CACNA2D3: variants seen among roughly 807,000 people sequenced by gnomAD.
CACNA2D3 encodes the protein calcium voltage-gated channel auxiliary subunit alpha2delta 3.
Under a neutral mutation model 160.6 loss-of-function variants are expected in CACNA2D3, and 60 were observed. The observed-to-expected ratio is 0.37, with a 90% CI of 0.30 to 0.46. The LOEUF (loss-of-function observed/expected upper bound fraction) is 0.46. Among genes scored for constraint, CACNA2D3 ranks in the 20% least tolerant of loss-of-function variants. The probability of loss-of-function intolerance (pLI) is 1.00; values close to 1 mark genes in which losing one functional copy is unlikely to be tolerated. For synonymous variants in CACNA2D3, 558 were observed against 492.9 expected (o/e 1.13, Z -1.75); for missense variants, 1,205 against 1,365.0 (o/e 0.88, Z 1.85).
At chr3:54,144,203 C>A (rs1699983998) in intron 2 of CACNA2D3, among the ~76,000 whole-genome samples, 1 of 152,226 alleles carries the variant, frequency 6.6e-6, no homozygotes, top group Non-Finnish European at 1.5e-5. Context: ...TATTACTCAT[C>A]ATTTTCCGAA....
At chr3:55,037,684 A>G (rs1039868191) in intron 35 of CACNA2D3, among the ~76,000 whole-genome samples, 1 of 152,174 alleles carries the variant, frequency 6.6e-6, no homozygotes, top group Non-Finnish European at 1.5e-5. Flanking sequence ...ATCATGACAT[A>G]CATCTTCCAT....
intron 5 of CACNA2D3, among the ~76,000 whole-genome samples, chr3:54,512,206 C>T (rs938452703): frequency 2.0e-5 from 3 of 152,038 alleles, no homozygotes; most frequent in Non-Finnish European, 2.9e-5. Flanking sequence ...CCATCGGGCT[C>T]GCACAGGGTG....
chr3:54,294,582 T>A (rs1031110074), intron 2 of CACNA2D3, among the ~76,000 whole-genome samples: 1 of 152,146 alleles, frequency 6.6e-6, no homozygotes, highest in African/African-American at 2.4e-5. Flanking sequence ...TGTGTGGACT[T>A]GTTCCCCACG....
At chr3:54,593,247 C>G (rs1431191884) in intron 9 of CACNA2D3, among the ~76,000 whole-genome samples, 1 of 152,004 alleles carries the variant, frequency 6.6e-6, no homozygotes, top group Non-Finnish European at 1.5e-5. Context: ...TAATTTGGCT[C>G]TAAATTACAA....
chr3:54,255,397 C>T (rs543922658), intron 2 of CACNA2D3, among the ~76,000 whole-genome samples: 3 of 152,268 alleles, frequency 2.0e-5, no homozygotes, highest in African/African-American at 4.8e-5. Context: ...GAATGAAATG[C>T]GGCATAAAGA....
chr3:54,472,365 T>G (rs966570497), intron 4 of CACNA2D3, among the ~76,000 whole-genome samples: 2 of 152,122 alleles, frequency 1.3e-5, no homozygotes, highest in African/African-American at 4.8e-5. Context: ...GCTAAAAACT[T>G]TCAATAAACT....
intron 11 of CACNA2D3, among the ~76,000 whole-genome samples, chr3:54,693,215 T>C (rs1700600326): frequency 6.6e-6 from 1 of 152,260 alleles, no homozygotes; most frequent in South Asian, 2.1e-4. Flanking sequence ...AAGGTCATTA[T>C]AGGAATAAAG....
At chr3:54,884,649 T>C (rs1257719398) in intron 21 of CACNA2D3, among the ~76,000 whole-genome samples, 1 of 152,220 alleles carries the variant, frequency 6.6e-6, no homozygotes, top group Admixed American at 6.5e-5. Context: ...TGGAACCTTC[T>C]ATTAAAACTC....
chr3:54,477,471 C>A (rs13066343), intron 4 of CACNA2D3, among the ~76,000 whole-genome samples: 14 of 151,982 alleles, frequency 9.2e-5, no homozygotes, highest in Admixed American at 2.6e-4. Flanking sequence ...TTGTGTTTCC[C>A]CAAGAACAGC....
At chr3:54,532,377 G>A (rs1701819253) in intron 5 of CACNA2D3, among the ~76,000 whole-genome samples, 1 of 152,180 alleles carries the variant, frequency 6.6e-6, no homozygotes, top group Non-Finnish European at 1.5e-5. Context: ...GATACATTGA[G>A]TAGTGGTGAA....
intron 2 of CACNA2D3, among the ~76,000 whole-genome samples, chr3:54,157,835 C>CAAA (rs5849032): frequency 1.5e-5 from 2 of 134,384 alleles, no homozygotes; most frequent in South Asian, 2.3e-4. Context: ...CCCAACCAAA[C>CAAA]AAAAAAAAAA....
intron 13 of CACNA2D3, 103 bp from the exon 14 acceptor site, chr3:54,816,750 G>A: frequency 7.4e-7 from 1 of 1,342,444 alleles, no homozygotes; most frequent in South Asian, 1.3e-5. Flanking sequence ...CCCCATTTTG[G>A]TTTCTCCATT....
chr3:54,290,089 A>C (rs1703148633), intron 2 of CACNA2D3, among the ~76,000 whole-genome samples: 1 of 151,868 alleles, frequency 6.6e-6, no homozygotes, highest in Admixed American at 6.6e-5. Context: ...GCTTCTGCAC[A>C]GCAAAAGAAA....
At chr3:54,500,397 G>T (rs1701268619) in intron 4 of CACNA2D3, among the ~76,000 whole-genome samples, 2 of 151,976 alleles carry the variant, frequency 1.3e-5, no homozygotes, top group South Asian at 2.1e-4. Flanking sequence ...CTCATTCAAG[G>T]TGATTATTGA....
intron 12 of CACNA2D3, among the ~76,000 whole-genome samples, chr3:54,756,049 C>T (rs1051649437): frequency 1.2e-4 from 18 of 152,146 alleles, no homozygotes; most frequent in Admixed American, 2.6e-4. Context: ...TTAGTCAACT[C>T]AGAGTATTTT....
chr3:55,006,898 T>G (rs1459109550), intron 32 of CACNA2D3, among the ~76,000 whole-genome samples: 1 of 152,240 alleles, frequency 6.6e-6, no homozygotes, highest in Admixed American at 6.5e-5. Flanking sequence ...GGATTTGGCA[T>G]GCATTTCAAT....
intron 2 of CACNA2D3, among the ~76,000 whole-genome samples, chr3:54,161,822 G>A (rs1273032309): frequency 1.3e-5 from 2 of 152,166 alleles, no homozygotes. Context: ...GCCTAGTTAG[G>A]GGTTCTGAGT....
intron 4 of CACNA2D3, among the ~76,000 whole-genome samples, chr3:54,430,123 G>A (rs760030613): frequency 6.6e-6 from 1 of 152,190 alleles, no homozygotes; most frequent in East Asian, 1.9e-4. Context: ...TGTCCTTGCT[G>A]CGCAACTACT....
chr3:54,528,432 A>G (rs1380081505), intron 5 of CACNA2D3, among the ~76,000 whole-genome samples: 1 of 19,152 alleles, frequency 5.2e-5, no homozygotes, highest in African/African-American at 2.7e-4. Flanking sequence ...TAGTCTTTAT[A>G]TATTGGGTTA....
Sources: allele counts gnomAD v4.1 joint callset (sites outside exome capture counted in the v4.1 genomes callset), GRCh38; gene constraint gnomAD v4.1.1; transcripts MANE v1.5; gene names NCBI Gene and HGNC (gene_info 2026-07-23, HGNC 2026-07-21).